Variants in PDZRN3 observed in about 807,000 individuals in gnomAD.
PDZRN3 encodes PDZ domain containing ring finger 3.
Under a neutral mutation model 85.7 loss-of-function variants are expected in PDZRN3, and 38 were observed. The ratio of observed to expected loss-of-function variants is 0.44; its 90% CI spans 0.34 to 0.58. The LOEUF (loss-of-function observed/expected upper bound fraction) is 0.58. Among genes scored for constraint, PDZRN3 ranks in the 20% least tolerant of loss-of-function variants. The pLI is 0.01. For missense variants in PDZRN3, 1,629 were observed against 1,506.4 expected, an observed-to-expected ratio of 1.08 and a Z score of -1.35; for synonymous variants, 759 against 638.0, an observed-to-expected ratio of 1.19 and a Z score of -2.86.
chr3:73,565,377 C>A (rs1701924150), intron 3 of PDZRN3, among the ~76,000 whole-genome samples: 1 of 152,026 alleles, frequency 6.6e-6, no homozygotes, highest in Admixed American at 6.5e-5. Context: ...ATCCGCCCGC[C>A]TTGGCCTCCC....
Position 73,384,497 on chromosome 3 carries a change from T to A in PDZRN3, c.2069A>T (p.Glu690Val). The change falls in exon 10 of 10, where the codon GAA becomes GTA. Residue 690 changes from glutamate (E) to valine (V), a missense_variant. Transcript: ENST00000263666. ...CTCCAGCTCGATGCTGCGCAGCTCT[T>A]CGTTCAGCAGCTCCAGCTCCTTGTC... ...SVDKELELLN[E>V]ELRSIELECL... 1 of 1,613,632 alleles carries A rather than the reference T, an allele frequency of 6.2e-7. No individual in the cohort carries two copies. Among genetic ancestry groups the A allele is most frequent in the Non-Finnish European group, 8.5e-7 (1 of 1,180,026 alleles).
intron 3 of PDZRN3, among the ~76,000 whole-genome samples, chr3:73,509,780 T>C (rs1174087800): frequency 6.6e-6 from 1 of 152,190 alleles, no homozygotes; most frequent in Admixed American, 6.5e-5. Context: ...CAAAGACGCC[T>C]GAGTAAATAC....
At chr3:73,540,003 C>T (rs942268986) in intron 3 of PDZRN3, among the ~76,000 whole-genome samples, 1 of 146,876 alleles carries the variant, frequency 6.8e-6, no homozygotes, top group Non-Finnish European at 1.5e-5. Flanking sequence ...GATAATACTT[C>T]CTGTGACATG....
At chr3:73,534,142 T>C (rs1704724378) in intron 3 of PDZRN3, among the ~76,000 whole-genome samples, 1 of 152,212 alleles carries the variant, frequency 6.6e-6, no homozygotes, top group South Asian at 2.1e-4. Flanking sequence ...AATTTACAAG[T>C]GAGCAAATGA....
chr3:73,431,999 C>T (rs1245835547), intron 3 of PDZRN3, among the ~76,000 whole-genome samples: 1 of 152,138 alleles, frequency 6.6e-6, no homozygotes, highest in African/African-American at 2.4e-5. Flanking sequence ...ACTGTGACTG[C>T]TGAATGATAT....
At chr3:73,520,712 A>G (rs1704345510) in intron 3 of PDZRN3, among the ~76,000 whole-genome samples, 1 of 152,090 alleles carries the variant, frequency 6.6e-6, no homozygotes, top group Non-Finnish European at 1.5e-5. Flanking sequence ...GCACACACAC[A>G]CAGAAAAAAA....
chr3:73,586,993 T>C (rs1384824336), intron 3 of PDZRN3, among the ~76,000 whole-genome samples: 1 of 152,244 alleles, frequency 6.6e-6, no homozygotes, highest in Non-Finnish European at 1.5e-5. Context: ...TATAGTCTAA[T>C]ATCAAATTTG....
intron 3 of PDZRN3, among the ~76,000 whole-genome samples, chr3:73,504,328 T>C: frequency 6.6e-6 from 1 of 152,150 alleles, no homozygotes; most frequent in Non-Finnish European, 1.5e-5. Context: ...CTTGGACACA[T>C]AAAGGCGCCA....
chr3:73,483,355 T>C (rs543969134), intron 3 of PDZRN3, among the ~76,000 whole-genome samples: 42 of 152,344 alleles, frequency 2.8e-4, no homozygotes, highest in African/African-American at 1.0e-3. Flanking sequence ...AGATGCATTT[T>C]TAATGTAAGC....
At chr3:73,580,750 C>G (rs1398947773) in intron 3 of PDZRN3, among the ~76,000 whole-genome samples, 1 of 152,206 alleles carries the variant, frequency 6.6e-6, no homozygotes, top group Admixed American at 6.5e-5. Flanking sequence ...TTTATTTAAC[C>G]TTGACTTGTT....
intron 3 of PDZRN3, among the ~76,000 whole-genome samples, 153 bp downstream of exon 3, chr3:73,602,201 C>T (rs1702525132): frequency 6.6e-6 from 1 of 152,230 alleles, no homozygotes; most frequent in Non-Finnish European, 1.5e-5. Context: ...GCAATCAACA[C>T]TCAATCTGGT....
chr3:73,594,703 T>G (rs912631412), intron 3 of PDZRN3, among the ~76,000 whole-genome samples: 18 of 114,186 alleles, frequency 1.6e-4, no homozygotes, highest in African/African-American at 4.1e-4. Flanking sequence ...TTCAGAGAAG[T>G]CTTACCTGTG....
At chr3:73,560,777 C>T (rs1172180652) in intron 3 of PDZRN3, among the ~76,000 whole-genome samples, 2 of 152,206 alleles carry the variant, frequency 1.3e-5, no homozygotes, top group Admixed American at 6.5e-5. Context: ...ATGGCTGAGC[C>T]TCATTCATGA....
Position 73,502,152 on chromosome 3 carries a change from T to G in PDZRN3, c.919-97757A>C, listed in dbSNP as rs375527847. Among the ~76,000 whole-genome samples, 179 of 151,560 alleles carry G rather than the reference T, an allele frequency of 1.2e-3. 2 individuals carry two copies. Among genetic ancestry groups the G allele is most frequent in the African/African-American group, 4.1e-3 (171 of 41,532 alleles). ...GCTATTAAGCAAAGAGAAACAACAG[T>G]GGGCTAAGTGAGAAAAAAATAAGGC... On this transcript the variant is annotated intron_variant, in intron 3 of 9. Coordinates refer to ENST00000263666, the MANE Select transcript of PDZRN3 (RefSeq NM_015009.3).
intron 3 of PDZRN3, among the ~76,000 whole-genome samples, chr3:73,410,416 GTCA>G (rs1043477732): frequency 2.0e-4 from 30 of 152,336 alleles, no homozygotes; most frequent in African/African-American, 7.0e-4. Flanking sequence ...TGCCACAGCT[GTCA>G]GTTTCTATGT....
intron 7 of PDZRN3, 136 bp from the exon 8 acceptor site, chr3:73,388,205 G>A (rs1701440049): frequency 1.8e-6 from 1 of 554,372 alleles, no homozygotes; most frequent in African/African-American, 1.9e-5. Context: ...CCGTGTAGCT[G>A]GAAAAGAATA....
intron 3 of PDZRN3, among the ~76,000 whole-genome samples, chr3:73,598,464 G>C (rs950771934): frequency 6.6e-6 from 1 of 152,196 alleles, no homozygotes; most frequent in African/African-American, 2.4e-5. Context: ...TCACAGGTAA[G>C]AGGAGTGCAG....
At chr3:73,474,740 C>T in intron 3 of PDZRN3, 1 of 518,962 alleles carries the variant, frequency 1.9e-6, no homozygotes, top group Non-Finnish European at 2.8e-6. Context: ...AAAGGTTCCC[C>T]TTGCGAAGTG....
intron 3 of PDZRN3, among the ~76,000 whole-genome samples, chr3:73,409,541 G>A (rs143710450): frequency 1.6e-4 from 24 of 152,142 alleles, no homozygotes; most frequent in African/African-American, 5.3e-4. Flanking sequence ...AGTTCTTGGA[G>A]GAAAAATGAA....
Sources: allele counts gnomAD v4.1 joint callset (sites outside exome capture counted in the v4.1 genomes callset), GRCh38; gene constraint gnomAD v4.1.1; transcripts MANE v1.5; gene names NCBI Gene and HGNC (gene_info 2026-07-23, HGNC 2026-07-21).